EBF2: variants seen among roughly 807,000 people sequenced by gnomAD.
EBF2 encodes EBF transcription factor 2.
In EBF2, 21 loss-of-function variants were observed where a neutral mutation model predicts 72.8. The observed-to-expected ratio is 0.29, with a 90% CI of 0.20 to 0.42. EBF2 has a LOEUF of 0.42. Among genes scored for constraint, EBF2 ranks in the 10% least tolerant of loss-of-function variants. EBF2 has a pLI of 1.00. For missense variants in EBF2, 637 were observed against 731.2 expected (o/e 0.87, Z 1.49); for synonymous variants, 299 against 274.2 (o/e 1.09, Z -0.89).
Position 26,042,223 on chromosome 8 carries a change from C to A in EBF2, c.160G>T (p.Glu54Ter), listed in dbSNP as rs754164670. The change falls in exon 2 of 16, where the codon GAG becomes TAG. Residue 54 changes from glutamate to a stop codon, truncating the protein, a stop_gained. Transcript: ENST00000520164. LOFTEE classifies it high-confidence loss of function. ...CTCAAGTTGGAAGGAGGCTGTTTCT[C>A]AAAGTGGGCCCGGGACAGGGCGACC... The part of the protein sequence containing the change: ...SGVALSRAHF[E>*]KQPPSNLRKS... 6.2e-7 allele frequency: 1 copy of A among 1,614,038 alleles called. No individual in the cohort carries two copies. Among genetic ancestry groups the A allele is most frequent in the African/African-American group, 1.3e-5 (1 of 75,020 alleles).
At chr8:25,871,124 C>T (rs542293320) in intron 10 of EBF2, among the ~76,000 whole-genome samples, 13 of 152,254 alleles carry the variant, frequency 8.5e-5, no homozygotes, top group African/African-American at 3.1e-4. Context: ...GTTGCTTTTG[C>T]GTCTCTTAGA....
At chr8:25,863,550 ATTC>A (rs1229859663) in intron 10 of EBF2, among the ~76,000 whole-genome samples, 1 of 152,128 alleles carries the variant, frequency 6.6e-6, no homozygotes, top group Non-Finnish European at 1.5e-5. Context: ...CCTTTCATTT[ATTC>A]TTTAAAAGTT....
At chr8:25,896,377 A>G (rs1169886129) in intron 7 of EBF2, among the ~76,000 whole-genome samples, 14 of 152,164 alleles carry the variant, frequency 9.2e-5, no homozygotes, top group Non-Finnish European at 8.8e-5. Context: ...GCTATAACAC[A>G]TCGCATTTAT....
intron 15 of EBF2, among the ~76,000 whole-genome samples, chr8:25,845,679 T>G (rs961887470): frequency 6.6e-6 from 1 of 152,222 alleles, no homozygotes; most frequent in Non-Finnish European, 1.5e-5. Context: ...CAGCACAATG[T>G]GGAAAAATCC....
chr8:25,854,193 C>G (rs987809041), intron 14 of EBF2, among the ~76,000 whole-genome samples: 1 of 148,668 alleles, frequency 6.7e-6, no homozygotes, highest in African/African-American at 2.5e-5. Flanking sequence ...GGCTGTACTA[C>G]TTATAAACAA....
chr8:26,028,076 A>T (rs1418892319), intron 6 of EBF2, among the ~76,000 whole-genome samples: 2 of 152,240 alleles, frequency 1.3e-5, no homozygotes, highest in East Asian at 3.8e-4. Flanking sequence ...GATGTATTTC[A>T]TGCCACCAAA....
chr8:26,042,597 G>A (rs970818913), intron 1 of EBF2, among the ~76,000 whole-genome samples: 15 of 152,314 alleles, frequency 9.8e-5, no homozygotes, highest in African/African-American at 3.4e-4. Context: ...GGTGGCCCGC[G>A]TCCTATACCG....
At chr8:25,942,800 T>C (rs1803699161) in intron 6 of EBF2, among the ~76,000 whole-genome samples, 1 of 152,160 alleles carries the variant, frequency 6.6e-6, no homozygotes, top group Non-Finnish European at 1.5e-5. Flanking sequence ...CCTCCCCAGC[T>C]AGGGCCTCCT....
At chr8:25,953,670 T>G (rs901643861) in intron 6 of EBF2, among the ~76,000 whole-genome samples, 1 of 152,194 alleles carries the variant, frequency 6.6e-6, no homozygotes, top group African/African-American at 2.4e-5. Flanking sequence ...GCTTAGGGCT[T>G]CAGATTCCCC....
intron 6 of EBF2, among the ~76,000 whole-genome samples, chr8:26,020,977 T>A (rs747301575): frequency 6.6e-6 from 1 of 152,190 alleles, no homozygotes; most frequent in Non-Finnish European, 1.5e-5. Context: ...TCCTTCACCT[T>A]TAACTCTGTG....
intron 6 of EBF2, chr8:26,032,522 C>G (rs191142190): frequency 3.3e-5 from 5 of 152,244 alleles, no homozygotes; most frequent in African/African-American, 1.2e-4. Context: ...AAACAGACAG[C>G]TGAGGATGCC....
At chr8:25,864,554 A>G (rs1415899154) in intron 10 of EBF2, among the ~76,000 whole-genome samples, 1 of 152,116 alleles carries the variant, frequency 6.6e-6, no homozygotes, top group Non-Finnish European at 1.5e-5. Flanking sequence ...CTATGTATAC[A>G]TATATGAATG....
chr8:25,903,402 G>C (rs1464998183), intron 7 of EBF2, among the ~76,000 whole-genome samples: 2 of 152,040 alleles, frequency 1.3e-5, no homozygotes, highest in Non-Finnish European at 2.9e-5. Context: ...GAGGAATAAA[G>C]ACAGGGGCTA....
chr8:25,858,651 CTTTTTT>C (rs34189731), intron 13 of EBF2, 147 bp from the exon 14 acceptor site: 179 of 136,396 alleles, frequency 1.3e-3, no homozygotes, highest in South Asian at 3.5e-3. Context: ...CCATCTTTAG[CTTTTTT>C]TTTTTTTTTT....
At chr8:26,018,449 G>A (rs1320065777) in intron 6 of EBF2, among the ~76,000 whole-genome samples, 1 of 141,398 alleles carries the variant, frequency 7.1e-6, no homozygotes. Context: ...TCAGGAGATC[G>A]AGACCATCCT....
chr8:26,028,030 A>G (rs889391463), intron 6 of EBF2, among the ~76,000 whole-genome samples: 2 of 152,326 alleles, frequency 1.3e-5, no homozygotes, highest in African/African-American at 4.8e-5. Flanking sequence ...AAAGAGTTAT[A>G]TAAATGAATG....
intron 6 of EBF2, among the ~76,000 whole-genome samples, chr8:25,920,429 C>T (rs998811163): frequency 1.4e-4 from 21 of 152,166 alleles, no homozygotes; most frequent in African/African-American, 5.1e-4. Context: ...AAAAGCTAGG[C>T]AGGTCCTTCA....
rs557868630 is a variant in EBF2 at position 26,037,911 on chromosome 8, T to A, written c.482+2117A>T. 1.4e-3 allele frequency among the ~76,000 whole-genome samples: 218 copies of A among 152,344 alleles called. 1 individual carries two copies. Among genetic ancestry groups the A allele is most frequent in the African/African-American group, 5.0e-3 (208 of 41,582 alleles). ...GATTTATGAGGCTTTTACTAAAGAT[T>A]ACGGAACATAAAACCATCCGGGGAA... On this transcript the variant is annotated intron_variant, in intron 5 of 15. Transcript: ENST00000520164.
At chr8:26,013,388 T>C (rs1008936677) in intron 6 of EBF2, among the ~76,000 whole-genome samples, 1 of 152,114 alleles carries the variant, frequency 6.6e-6, no homozygotes, top group Non-Finnish European at 1.5e-5. Flanking sequence ...GGCTCCATCA[T>C]CCCTTTAACT....
Sources: allele counts gnomAD v4.1 joint callset (sites outside exome capture counted in the v4.1 genomes callset), GRCh38; gene constraint gnomAD v4.1.1; transcripts MANE v1.5; gene names NCBI Gene and HGNC (gene_info 2026-07-23, HGNC 2026-07-21).